DMD: variants seen among roughly 807,000 people sequenced by gnomAD.
DMD encodes the protein dystrophin.
A neutral mutation model predicts 330.1 loss-of-function variants in DMD; 63 were observed. The observed-to-expected ratio is 0.19, with a 90% CI of 0.16 to 0.24. The LOEUF is 0.24. Among genes scored for constraint, DMD ranks in the 10% least tolerant of loss-of-function variants. The pLI is 1.00. For synonymous variants in DMD, 1,223 were observed against 959.8 expected, an observed-to-expected ratio of 1.27 and a Z score of -5.07; for missense variants, 3,344 against 2,684.1, an observed-to-expected ratio of 1.25 and a Z score of -5.43.
At chrX:31,575,998 A>G (rs1228908264) in intron 55 of DMD, among the ~76,000 whole-genome samples, 1 of 112,039 alleles carries the variant, frequency 8.9e-6, no homozygotes, top group East Asian at 2.8e-4. Flanking sequence ...ACTTTCTAAA[A>G]TATATATTTA....
chrX:31,413,784 C>T (rs2148905131), intron 60 of DMD, among the ~76,000 whole-genome samples: 1 of 109,422 alleles, frequency 9.1e-6, no homozygotes, highest in East Asian at 2.9e-4. Context: ...TGTGAGCAGC[C>T]ACGTAAAAGG....
intron 37 of DMD, among the ~76,000 whole-genome samples, chrX:32,348,760 T>G (rs1296629800): frequency 2.7e-5 from 3 of 111,597 alleles, no homozygotes; most frequent in Admixed American, 9.5e-5. Flanking sequence ...ATAGTACAAT[T>G]CATCATTTGG....
chrX:33,090,980 C>A (rs2095078454), intron 1 of DMD, among the ~76,000 whole-genome samples: 1 of 110,639 alleles, frequency 9.0e-6, no homozygotes, highest in African/African-American at 3.3e-5. Context: ...AGAAGCTGAT[C>A]TCAAGCCAAA....
intron 44 of DMD, among the ~76,000 whole-genome samples, chrX:31,994,498 T>C (rs1040787942): frequency 3.6e-5 from 4 of 110,919 alleles, no homozygotes; most frequent in Non-Finnish European, 7.6e-5. Context: ...GTGAGAAAAA[T>C]CTTCTTAAGG....
At chrX:32,237,356 A>AT (rs369102170) in intron 43 of DMD, among the ~76,000 whole-genome samples, 8 of 108,446 alleles carry the variant, frequency 7.4e-5, no homozygotes, top group South Asian at 7.9e-4. Context: ...AATACATTAG[A>AT]TTTTTTTTTT....
At chrX:32,334,806 A>G (rs1274456416) in intron 41 of DMD, among the ~76,000 whole-genome samples, 1 of 112,146 alleles carries the variant, frequency 8.9e-6, no homozygotes, top group Non-Finnish European at 1.9e-5. Flanking sequence ...ATAGAAAGTC[A>G]TAATCCCATT....
intron 4 of DMD, among the ~76,000 whole-genome samples, chrX:32,828,534 C>T (rs1421287072): frequency 9.2e-6 from 1 of 108,112 alleles, no homozygotes; most frequent in Non-Finnish European, 1.9e-5. Context: ...GAGATATAGA[C>T]ATATCTATAC....
At chrX:32,658,370 G>A (rs764248676) in intron 9 of DMD, among the ~76,000 whole-genome samples, 1 of 111,077 alleles carries the variant, frequency 9.0e-6, no homozygotes, top group African/African-American at 3.3e-5. Context: ...TAAAGGGCTA[G>A]ATAATAGGTA....
chrX:31,387,204 A>G (rs755355716), intron 60 of DMD, among the ~76,000 whole-genome samples: 2 of 111,562 alleles, frequency 1.8e-5, no homozygotes, highest in South Asian at 7.6e-4. Context: ...ATGATCTGAA[A>G]TCTACAGCCA....
intron 51 of DMD, among the ~76,000 whole-genome samples, chrX:31,732,415 A>AT (rs1453285291): frequency 9.0e-6 from 1 of 111,159 alleles, no homozygotes; most frequent in Non-Finnish European, 1.9e-5. Flanking sequence ...ACGCTTCAGT[A>AT]TTTTTTCATT....
intron 21 of DMD, 64 bp downstream of exon 21, chrX:32,484,855 G>T: frequency 9.1e-7 from 1 of 1,093,818 alleles, no homozygotes. Context: ...AGTACCTTCT[G>T]GATTTCCCCA....
At chrX:32,562,824 G>A (rs2051182204) in intron 16 of DMD, among the ~76,000 whole-genome samples, 1 of 111,210 alleles carries the variant, frequency 9.0e-6, no homozygotes, top group South Asian at 3.8e-4. Context: ...CTTTTCCTGA[G>A]TAGCTCCATT....
At chrX:32,119,199 G>A (rs968837108) in intron 44 of DMD, among the ~76,000 whole-genome samples, 17 of 110,031 alleles carry the variant, frequency 1.5e-4, no homozygotes, top group African/African-American at 5.0e-4. Flanking sequence ...GCCTGGTGGC[G>A]CCAGAGCACC....
intron 30 of DMD, among the ~76,000 whole-genome samples, chrX:32,403,134 G>A (rs1254963142): frequency 9.0e-6 from 1 of 111,725 alleles, no homozygotes; most frequent in Non-Finnish European, 1.9e-5. Context: ...TAACAATCAC[G>A]ATAAACGCTG....
At chrX:31,224,662 AAT>A (rs988105185) in intron 63 of DMD, among the ~76,000 whole-genome samples, 1 of 111,908 alleles carries the variant, frequency 8.9e-6, no homozygotes, top group African/African-American at 3.3e-5. Context: ...AATAAAAAAA[AAT>A]GTATGTCCAC....
At chrX:32,888,508 T>C (rs2084888384) in intron 2 of DMD, among the ~76,000 whole-genome samples, 1 of 111,891 alleles carries the variant, frequency 8.9e-6, no homozygotes, top group Admixed American at 9.5e-5. Flanking sequence ...AGACAAAGGA[T>C]AACTAGTGTT....
At chrX:33,276,975 G>A (rs746278179) in intron 1 of DMD, among the ~76,000 whole-genome samples, 4 of 111,855 alleles carry the variant, frequency 3.6e-5, no homozygotes, top group Non-Finnish European at 5.6e-5. Context: ...ATTTATGTAC[G>A]TATACATTTG....
At chrX:32,644,885 A>G in intron 10 of DMD, 79 bp downstream of exon 10, 1 of 1,076,967 alleles carries the variant, frequency 9.3e-7, no homozygotes, top group East Asian at 3.0e-5. Flanking sequence ...AGGATGTAAG[A>G]GAGTAATTGA....
At position 31,815,834 on chromosome X, in the gene DMD, A is replaced by G. The variant is rs149015525; in HGVS notation, c.7309+4141T>C. 6.3e-3 allele frequency among the ~76,000 whole-genome samples: 706 copies of G among 111,730 alleles called. 7 individuals carry two copies. The highest frequency in any genetic ancestry group is 0.022 in the African/African-American group (667 of 30,728). On this transcript the variant is annotated intron_variant, in intron 50 of 78. Transcript: ENST00000357033. ...AACCTACACGTTTCAAAGCCTAGGC[A>G]TCAGAAGGTCTTGTAGCTTCCACCC...
Sources: gnomAD v4.1 joint callset for allele counts (sites outside exome capture counted in the v4.1 genomes callset) on GRCh38, gnomAD v4.1.1 for gene constraint, MANE v1.5 for transcripts, NCBI Gene and HGNC (gene_info 2026-07-23, HGNC 2026-07-21) for gene names.